The following TXK variants were observed in gnomAD, a reference collection of about 807,000 sequenced individuals.
TXK encodes the protein tyrosine-protein kinase TXK.
Under a neutral mutation model 81.0 loss-of-function variants are expected in TXK, and 60 were observed. The ratio of observed to expected loss-of-function variants is 0.74; its 90% CI spans 0.60 to 0.92. TXK has a LOEUF of 0.92. Among genes scored for constraint, TXK ranks in the 40% least tolerant of loss-of-function variants. The pLI is 0.00. For missense variants in TXK, 581 were observed against 638.3 expected, an observed-to-expected ratio of 0.91 and a Z score of 0.97; for synonymous variants, 203 against 210.7, an observed-to-expected ratio of 0.96 and a Z score of 0.32.
At chr4:48,103,950 C>T (rs1451831708) in intron 6 of TXK, among the ~76,000 whole-genome samples, 1 of 151,652 alleles carries the variant, frequency 6.6e-6, no homozygotes, top group East Asian at 1.9e-4. Context: ...CACCTGTAAT[C>T]TCAGCACTTT....
intron 12 of TXK, 109 bp downstream of exon 12, chr4:48,076,293 G>A: frequency 3.6e-6 from 3 of 825,716 alleles, no homozygotes; most frequent in Admixed American, 3.2e-5. Context: ...AACCTAGGAA[G>A]ATAAAAACAC....
rs1718657908 is a variant in TXK at position 48,112,316 on chromosome 4, T to C, written c.371A>G (p.Asp124Gly). ...KYNPHWWKAR[D>G]RLGNEGLIPS... Reference sequence around the variant, plus strand: ...CATGTAAGTGTCTTACCCCAAACGGTCTCTTGCCTTCCACCAGTGAGGATT... The same window carrying C: ...CATGTAAGTGTCTTACCCCAAACGGCCTCTTGCCTTCCACCAGTGAGGATT... The change falls in exon 4 of 15, where the codon GAC becomes GGC. Residue 124 changes from aspartate to glycine, a missense_variant. Physicochemically the swap from Asp to Gly is moderately conservative, Grantham distance 94. Transcript: ENST00000264316. 1 of 1,614,164 alleles carries C rather than the reference T, an allele frequency of 6.2e-7. No homozygotes were observed. The highest frequency in any genetic ancestry group is 8.5e-7 in the Non-Finnish European group (1 of 1,179,998).
chr4:48,098,671 C>T (rs1451309950), intron 6 of TXK, among the ~76,000 whole-genome samples: 1 of 152,060 alleles, frequency 6.6e-6, no homozygotes. Context: ...CAAATAAAAT[C>T]TGAAAAAGGG....
chr4:48,125,533 A>G (rs1386187656), intron 1 of TXK, among the ~76,000 whole-genome samples: 5 of 152,214 alleles, frequency 3.3e-5, no homozygotes, highest in Admixed American at 2.0e-4. Context: ...TCAGGACTCC[A>G]GGAGACTCTC....
intron 8 of TXK, among the ~76,000 whole-genome samples, chr4:48,090,970 G>T (rs1003742917): frequency 2.0e-5 from 3 of 152,198 alleles, no homozygotes; most frequent in African/African-American, 4.8e-5. Context: ...CACATATTAA[G>T]TGCCTATTGT....
chr4:48,079,862 TG>T, intron 11 of TXK, 49 bp downstream of exon 11: 1 of 1,270,458 alleles, frequency 7.9e-7, no homozygotes, highest in Non-Finnish European at 1.1e-6. Flanking sequence ...CACATCCTTC[TG>T]AATATAGGTA....
At chr4:48,077,155 A>G (rs1470123292) in intron 11 of TXK, among the ~76,000 whole-genome samples, 1 of 152,252 alleles carries the variant, frequency 6.6e-6, no homozygotes, top group Non-Finnish European at 1.5e-5. Flanking sequence ...TCATATTAAA[A>G]TTATCACAAT....
intron 12 of TXK, among the ~76,000 whole-genome samples, chr4:48,075,305 G>A (rs1229692897): frequency 6.6e-6 from 1 of 152,162 alleles, no homozygotes; most frequent in Non-Finnish European, 1.5e-5. Context: ...ACAAATGGCT[G>A]TGGATGTGCC....
intron 13 of TXK, 110 bp from the exon 14 acceptor site, chr4:48,071,784 C>T (rs1490493980): frequency 1.6e-6 from 2 of 1,243,982 alleles, no homozygotes; most frequent in Non-Finnish European, 2.2e-6. Context: ...AGGCTTTGGG[C>T]TATAACCATC....
At position 48,074,015 on chromosome 4, in the gene TXK, G is replaced by A. The variant is rs761838236; in HGVS notation, c.1277C>T (p.Ala426Val). The A allele has an allele frequency of 6.2e-7, 1 of 1,613,830 alleles. No individual in the cohort carries two copies. The highest frequency in any genetic ancestry group is 8.5e-7 in the Non-Finnish European group (1 of 1,179,836). ...AGGGGACCACTTGATTGGGAACTTG[G>A]CTCCAAAAGAACTGACATACTCATC... ...LDDEYVSSFG[A>V]KFPIKWSPPE... is the part of the protein sequence containing the mutation. The change falls in exon 13 of 15, where the codon GCC becomes GTC. Residue 426 changes from alanine to valine, a missense_variant. Physicochemically the swap from Ala to Val is moderately conservative, Grantham distance 64. Coordinates refer to ENST00000264316, the MANE Select transcript of TXK (RefSeq NM_003328.3).
chr4:48,128,168 T>C (rs11941829), intron 1 of TXK, among the ~76,000 whole-genome samples: 50,564 of 152,140 alleles, frequency 0.33, 9,085 homozygotes, highest in East Asian at 0.68. Context: ...GGGTTTCGTT[T>C]TGAATCAGTG....
At chr4:48,101,649 T>C (rs1423867838) in intron 6 of TXK, among the ~76,000 whole-genome samples, 1 of 151,880 alleles carries the variant, frequency 6.6e-6, no homozygotes, top group Non-Finnish European at 1.5e-5. Flanking sequence ...AGAAAAAATA[T>C]GTATATTTTA....
chr4:48,114,052 A>T (rs796325143), intron 2 of TXK, among the ~76,000 whole-genome samples: 11 of 152,298 alleles, frequency 7.2e-5, no homozygotes, highest in African/African-American at 2.6e-4. Flanking sequence ...AAAAATACGT[A>T]TTGGAGCACA....
intron 5 of TXK, among the ~76,000 whole-genome samples, chr4:48,105,422 A>G (rs577091605): frequency 1.3e-5 from 2 of 152,210 alleles, no homozygotes; most frequent in Non-Finnish European, 2.9e-5. Flanking sequence ...ATATTACGTC[A>G]TAGTATAGTC....
intron 1 of TXK, among the ~76,000 whole-genome samples, chr4:48,128,962 A>G (rs1045051079): frequency 6.6e-6 from 1 of 152,098 alleles, no homozygotes; most frequent in Non-Finnish European, 1.5e-5. Flanking sequence ...ACACATAACT[A>G]GCTTGGCTAT....
chr4:48,123,570 C>T (rs1719011123), intron 1 of TXK, among the ~76,000 whole-genome samples: 1 of 152,190 alleles, frequency 6.6e-6, no homozygotes, highest in Non-Finnish European at 1.5e-5. Flanking sequence ...AAGCCCTCAT[C>T]AACTCGTACC....
intron 12 of TXK, among the ~76,000 whole-genome samples, chr4:48,074,336 C>A (rs1206105482): frequency 6.6e-6 from 1 of 152,112 alleles, no homozygotes; most frequent in Non-Finnish European, 1.5e-5. Context: ...ATTCTTAACT[C>A]TACAAAGAAG....
chr4:48,091,875 A>G (rs1173865603), intron 8 of TXK, among the ~76,000 whole-genome samples: 1 of 152,200 alleles, frequency 6.6e-6, no homozygotes, highest in African/African-American at 2.4e-5. Flanking sequence ...ATTGGAGGCA[A>G]TAAGACCAGT....
chr4:48,073,016 C>T (rs1716925263), intron 13 of TXK, among the ~76,000 whole-genome samples: 1 of 152,060 alleles, frequency 6.6e-6, no homozygotes, highest in South Asian at 2.1e-4. Context: ...CCTCAAACTC[C>T]TGGGCTCAAG....
Sources: allele counts gnomAD v4.1 joint callset (sites outside exome capture counted in the v4.1 genomes callset), GRCh38; gene constraint gnomAD v4.1.1; transcripts MANE v1.5; gene names NCBI Gene and HGNC (gene_info 2026-07-23, HGNC 2026-07-21).